GCC2: variants seen among roughly 807,000 people sequenced by gnomAD.
GCC2 encodes the protein GRIP and coiled-coil domain-containing protein 2.
In GCC2, 120 loss-of-function variants were observed where a neutral mutation model predicts 210.6. The observed-to-expected ratio is 0.57, with a 90% confidence interval of 0.49 to 0.66. GCC2 has a LOEUF of 0.66. Ranked by LOEUF, GCC2 falls within the 30% of genes least tolerant of loss-of-function variation. The pLI, the probability that GCC2 is intolerant of heterozygous loss-of-function variation, is 0.00. For synonymous variants in GCC2, 703 were observed against 652.7 expected, an observed-to-expected ratio of 1.08 and a Z score of -1.17; for missense variants, 1,868 against 1,871.9, an observed-to-expected ratio of 1.00 and a Z score of 0.04.
intron 21 of GCC2, among the ~76,000 whole-genome samples, chr2:108,499,051 C>T (rs1217037302): frequency 3.7e-5 from 4 of 107,072 alleles, no homozygotes; most frequent in African/African-American, 6.4e-5. Context: ...AGACAAGAAC[C>T]CCAGTATTTA....
At chr2:108,459,153 G>A (rs1397109929) in intron 4 of GCC2, among the ~76,000 whole-genome samples, 1 of 152,046 alleles carries the variant, frequency 6.6e-6, no homozygotes, top group African/African-American at 2.4e-5. Flanking sequence ...TGCTTTTGTT[G>A]TATCACATAG....
chr2:108,476,917 A>G (rs995413762), intron 9 of GCC2, among the ~76,000 whole-genome samples: 3 of 152,054 alleles, frequency 2.0e-5, no homozygotes, highest in Admixed American at 6.6e-5. Flanking sequence ...GGATTTGATG[A>G]AAAAAAATAT....
Position 108,476,689 on chromosome 2 carries a change from T to G in GCC2, c.3060+839T>G, listed in dbSNP as rs550964381. ...TCACTGAATGCAAGATAAACATCAC[T>G]ACATTTCTTCAGGTATTCATTCAGC... On this transcript the variant is annotated intron_variant, in intron 9 of 22. Transcript: ENST00000309863. Among the ~76,000 whole-genome samples, 4 of 152,366 alleles carry G rather than the reference T, an allele frequency of 2.6e-5. No individual in the cohort carries two copies. The East Asian group carries it at 7.7e-4, about 29-fold the overall frequency.
intron 15 of GCC2, among the ~76,000 whole-genome samples, chr2:108,486,158 T>A (rs140955717): frequency 8.5e-4 from 129 of 152,328 alleles, no homozygotes; most frequent in Non-Finnish European, 1.6e-3. Context: ...AGCCTGCATC[T>A]GAACTAAATG....
At position 108,471,779 on chromosome 2, in the gene GCC2, G is replaced by C; in HGVS notation, c.2450G>C (p.Cys817Ser). 1 of 1,613,078 alleles carries C rather than the reference G, an allele frequency of 6.2e-7. No homozygotes were observed. The highest frequency in any genetic ancestry group is 8.5e-7 in the Non-Finnish European group (1 of 1,179,340). Reference sequence around the variant, plus strand: ...TTAGAGTTAGAAAAAGAGATTAAGTGCCTTCAAGAAGAGAGTGTAGTTCAG... The same window carrying C: ...TTAGAGTTAGAAAAAGAGATTAAGTCCCTTCAAGAAGAGAGTGTAGTTCAG... ...KVLELEKEIK[C>S]LQEESVVQCE... Residue 817 changes from cysteine (C) to serine (S), a missense_variant, in exon 6 of 23, where the codon TGC becomes TCC. Physicochemically the swap from Cys to Ser is moderately radical, Grantham distance 112 (BLOSUM62 -1). Coordinates refer to ENST00000309863, the MANE Select transcript of GCC2 (RefSeq NM_181453.4).
chr2:108,451,131 T>C lies in GCC2; in HGVS notation c.148+19T>C, dbSNP rs1679921341. The C allele has an allele frequency of 1.5e-6, 2 of 1,354,484 alleles. No individual in the cohort carries two copies. Among genetic ancestry groups the C allele is most frequent in the Admixed American group, 1.8e-5 (1 of 56,974 alleles). 83.9% of individuals were successfully genotyped at this position (1,354,484 alleles called of 1,614,324 possible). On this transcript the variant is annotated intron_variant, in intron 3 of 22. Coordinates refer to ENST00000309863, the MANE Select transcript of GCC2 (RefSeq NM_181453.4). Reference sequence around the variant, plus strand: ...TGTACAGGTATTGGGTTGAAAATACTCATCTTGATCACAGTCTCTTTAATC... The same window carrying C: ...TGTACAGGTATTGGGTTGAAAATACCCATCTTGATCACAGTCTCTTTAATC...
At chr2:108,460,852 G>C (rs371750719) in intron 4 of GCC2, among the ~76,000 whole-genome samples, 3 of 152,172 alleles carry the variant, frequency 2.0e-5, no homozygotes, top group African/African-American at 4.8e-5. Context: ...TCTCATGATA[G>C]TGAGTGACTT....
At chr2:108,486,393 A>T in intron 15 of GCC2, 118 bp from the exon 16 acceptor site, 1 of 880,022 alleles carries the variant, frequency 1.1e-6, no homozygotes, top group Non-Finnish European at 1.9e-6. Flanking sequence ...ATATTTCACT[A>T]CTTAATTATG....
At chr2:108,498,704 T>C (rs1440058466) in intron 21 of GCC2, among the ~76,000 whole-genome samples, 3 of 152,336 alleles carry the variant, frequency 2.0e-5, no homozygotes, top group Middle Eastern at 3.4e-3. Flanking sequence ...TATATCATTC[T>C]TTGCCTCATT....
At position 108,471,111 on chromosome 2, in the gene GCC2, G is replaced by A. The variant is rs1470443354; in HGVS notation, c.1782G>A (p.Glu594=). Residue 594 remains glutamate (E), a synonymous_variant, in exon 6 of 23, where the codon GAG becomes GAA. Transcript: ENST00000309863. ...AAGGAAAGATAAATTCTCTTACTGA[G>A]GAAAAAGATGATTTTATAAATAAAC... is the stretch of plus-strand genomic sequence containing the variant. ...ELEGKINSLT[E]EKDDFINKLK... 6.3e-7 allele frequency: 1 copy of A among 1,584,196 alleles called. No individual in the cohort carries two copies. The highest frequency in any genetic ancestry group is 8.6e-7 in the Non-Finnish European group (1 of 1,157,416).
chr2:108,501,588 G>A (rs1304681532), intron 22 of GCC2, among the ~76,000 whole-genome samples: 1 of 151,896 alleles, frequency 6.6e-6, no homozygotes, highest in African/African-American at 2.4e-5. Flanking sequence ...TCTTTAACAT[G>A]TTCCCCATCC....
At chr2:108,468,922 G>A (rs929648298) in intron 4 of GCC2, 58 bp from the exon 5 acceptor site, 12 of 1,039,690 alleles carry the variant, frequency 1.2e-5, no homozygotes, top group Non-Finnish European at 1.8e-5. Flanking sequence ...AGATAATTAC[G>A]CATGTGGTCA....
chr2:108,505,433 G>A (rs1188090654), intron 22 of GCC2, among the ~76,000 whole-genome samples: 2 of 152,112 alleles, frequency 1.3e-5, no homozygotes, highest in African/African-American at 4.8e-5. Flanking sequence ...TCATGCCTTT[G>A]TATAATCTCT....
intron 11 of GCC2, 101 bp downstream of exon 11, chr2:108,482,552 A>C (rs912011353): frequency 3.0e-5 from 18 of 596,440 alleles, no homozygotes; most frequent in Non-Finnish European, 4.5e-5. Context: ...ATTTATGAAT[A>C]CAGCAGAGTT....
chr2:108,463,671 C>T (rs1305694748), intron 4 of GCC2, among the ~76,000 whole-genome samples: 1 of 152,180 alleles, frequency 6.6e-6, no homozygotes, highest in Non-Finnish European at 1.5e-5. Context: ...ATTCTTGAGC[C>T]TCCAGGTAGC....
intron 19 of GCC2, 135 bp downstream of exon 19, chr2:108,492,925 G>T: frequency 1.5e-6 from 1 of 687,454 alleles, no homozygotes; most frequent in Non-Finnish European, 2.5e-6. Context: ...AATGAATTTT[G>T]GATTTGCTTA....
intron 13 of GCC2, 135 bp from the exon 14 acceptor site, chr2:108,485,501 T>C (rs934494210): frequency 5.4e-6 from 3 of 554,900 alleles, no homozygotes; most frequent in Middle Eastern, 4.9e-4. Flanking sequence ...CTGTCACATA[T>C]GTTTGAAGTA....
In GCC2 at chr2:108,487,750, C is replaced by T. The variant is rs1036170628; in HGVS notation, c.3982C>T (p.His1328Tyr). 1 of 1,613,014 alleles carries T rather than the reference C, an allele frequency of 6.2e-7. No homozygotes were observed. Among genetic ancestry groups the T allele is most frequent in the African/African-American group, 1.3e-5 (1 of 74,884 alleles). The change falls in exon 17 of 23, where the codon CAT (histidine) becomes TAT (tyrosine). Residue 1328 changes from histidine (H) to tyrosine (Y), a missense_variant. By Grantham distance (83) the His-to-Tyr change is moderately conservative. Transcript: ENST00000309863. Reference sequence around the variant, plus strand: ...ATTCGAGAGCTACAAAGTCCGAGTTCATAATGTTCTAAAACAACAGAAAAA... The same window carrying T: ...ATTCGAGAGCTACAAAGTCCGAGTTTATAATGTTCTAAAACAACAGAAAAA... The part of the protein sequence containing the change: ...SEFESYKVRV[H>Y]NVLKQQKNKS...
At position 108,471,373 on chromosome 2, in the gene GCC2, G is replaced by T. The variant is rs773135239; in HGVS notation, c.2044G>T (p.Val682Leu). 6.2e-7 allele frequency: 1 copy of T among 1,609,048 alleles called. No individual in the cohort carries two copies. The highest frequency in any genetic ancestry group is 8.5e-7 in the Non-Finnish European group (1 of 1,178,686). ...QMKVLSEDKEVLSAEVKSLYE... is the reference protein window; with the variant it reads ...QMKVLSEDKELLSAEVKSLYE... ...GAAAGTTCTCTCTGAAGACAAAGAAGTATTGTCAGCTGAAGTGAAGTCTCT... is the reference window on the plus strand; with the variant it reads ...GAAAGTTCTCTCTGAAGACAAAGAATTATTGTCAGCTGAAGTGAAGTCTCT... The change falls in exon 6 of 23, where the codon GTA (valine) becomes TTA (leucine). Residue 682 changes from valine to leucine, a missense_variant. Physicochemically the swap from Val to Leu is conservative, Grantham distance 32. Coordinates refer to ENST00000309863, the MANE Select transcript of GCC2 (RefSeq NM_181453.4).
Sources: allele counts gnomAD v4.1 joint callset (sites outside exome capture counted in the v4.1 genomes callset), GRCh38; gene constraint gnomAD v4.1.1; transcripts MANE v1.5; gene names NCBI Gene and HGNC (gene_info 2026-07-23, HGNC 2026-07-21).